The following NKAIN3 variants were observed in gnomAD, a reference collection of about 807,000 sequenced individuals.
NKAIN3 encodes the protein sodium/potassium transporting ATPase interacting 3.
Under a neutral mutation model 30.2 loss-of-function variants are expected in NKAIN3, and 25 were observed. The observed-to-expected ratio is 0.83, with a 90% CI of 0.60 to 1.16. The LOEUF is 1.16. Among genes scored for constraint, NKAIN3 ranks in the 50% most tolerant of loss-of-function variants. The probability of loss-of-function intolerance (pLI) is 0.00; values close to 1 mark genes in which losing one functional copy is unlikely to be tolerated. For missense variants in NKAIN3, 225 were observed against 254.1 expected, an observed-to-expected ratio of 0.89 and a Z score of 0.78; for synonymous variants, 91 against 89.6, an observed-to-expected ratio of 1.02 and a Z score of -0.09.
chr8:62,347,325 A>T (rs1816035174), intron 1 of NKAIN3, among the ~76,000 whole-genome samples: 1 of 152,156 alleles, frequency 6.6e-6, no homozygotes. Context: ...TCAACATAAA[A>T]GTTGCAGTAG....
intron 4 of NKAIN3, among the ~76,000 whole-genome samples, chr8:62,865,027 A>G (rs1283907070): frequency 6.6e-6 from 1 of 152,210 alleles, no homozygotes; most frequent in African/African-American, 2.4e-5. Flanking sequence ...AGCATTGATC[A>G]TTGAACTGCT....
At chr8:62,664,908 T>G in intron 3 of NKAIN3, among the ~76,000 whole-genome samples, 1 of 152,208 alleles carries the variant, frequency 6.6e-6, no homozygotes, top group East Asian at 1.9e-4. Context: ...TAAATATCCT[T>G]ATGACTTAGA....
intron 4 of NKAIN3, among the ~76,000 whole-genome samples, chr8:62,833,854 A>G (rs1819273352): frequency 6.6e-6 from 1 of 152,034 alleles, no homozygotes; most frequent in South Asian, 2.1e-4. Flanking sequence ...ATACCAAAAT[A>G]TGGCAAAGAC....
downstream of NKAIN3, among the ~76,000 whole-genome samples, chr8:62,987,167 G>A (rs574613295): frequency 1.2e-4 from 18 of 152,176 alleles, no homozygotes; most frequent in South Asian, 2.1e-4. Context: ...TGGCTGAATC[G>A]CTTGAGTTCA....
At chr8:62,811,464 T>C (rs1463346396) in intron 4 of NKAIN3, among the ~76,000 whole-genome samples, 1 of 152,130 alleles carries the variant, frequency 6.6e-6, no homozygotes, top group Non-Finnish European at 1.5e-5. Flanking sequence ...CCAGAGTAGT[T>C]GCACCATTGT....
At chr8:62,586,710 A>G (rs192812275) in intron 2 of NKAIN3, among the ~76,000 whole-genome samples, 1 of 152,224 alleles carries the variant, frequency 6.6e-6, no homozygotes, top group East Asian at 1.9e-4. Flanking sequence ...AGACTGGAAG[A>G]TGTCCAAAGT....
chr8:62,888,236 AG>A lies in NKAIN3; in HGVS notation c.472-30216del, dbSNP rs1188825790. 4.6e-5 allele frequency among the ~76,000 whole-genome samples: 7 copies of A among 152,320 alleles called. No individual in the cohort carries two copies. The South Asian group carries it at 1.2e-3, about 27-fold the overall frequency. On this transcript the variant is annotated intron_variant, in intron 4 of 6. Transcript: ENST00000623646. ...TAGTTTAGGTCATGTTTAAAATAAA[AG>A]TTTCTCTTGAGAGCAGGGCTTGTTA...
chr8:62,497,744 C>T (rs1807287835), intron 1 of NKAIN3, among the ~76,000 whole-genome samples: 1 of 152,124 alleles, frequency 6.6e-6, no homozygotes, highest in Non-Finnish European at 1.5e-5. Flanking sequence ...GAGTCCTGCA[C>T]TGTGCAGTTG....
intron 1 of NKAIN3, among the ~76,000 whole-genome samples, chr8:62,465,409 GA>G: frequency 6.6e-6 from 1 of 151,920 alleles, no homozygotes; most frequent in East Asian, 1.9e-4. Context: ...TTTCAAGAAG[GA>G]AAAAAACAAG....
chr8:62,296,657 C>G (rs1254353432), intron 1 of NKAIN3, among the ~76,000 whole-genome samples: 1 of 152,028 alleles, frequency 6.6e-6, no homozygotes, highest in African/African-American at 2.4e-5. Context: ...GTGAGAGACA[C>G]TATGTTAGAC....
intron 4 of NKAIN3, among the ~76,000 whole-genome samples, chr8:62,911,246 G>A (rs527300376): frequency 6.6e-6 from 1 of 152,132 alleles, no homozygotes; most frequent in African/African-American, 2.4e-5. Context: ...CTTTACACTG[G>A]AAAAGTCCCA....
At position 62,977,851 on chromosome 8, in the gene NKAIN3, A is replaced by G. The variant is rs1456275863; in HGVS notation, c.*12444A>G. 2 of 152,114 alleles carry G rather than the reference A, an allele frequency of 1.3e-5. No individual in the cohort carries two copies. Among genetic ancestry groups the G allele is most frequent in the Non-Finnish European group, 2.9e-5 (2 of 68,040 alleles). 9.4% of individuals were successfully genotyped at this position (152,114 alleles called of 1,614,324 possible). ...GGTTTTTCCTCATCTTTGTGGCTTTATCTACCTTTGGTCTTTGGCATTGGT... is the reference window on the plus strand; with the variant it reads ...GGTTTTTCCTCATCTTTGTGGCTTTGTCTACCTTTGGTCTTTGGCATTGGT... On this transcript the variant is annotated 3_prime_UTR_variant, in exon 7 of 7. Transcript: ENST00000623646.
At chr8:62,806,334 G>A (rs190457533) in intron 4 of NKAIN3, among the ~76,000 whole-genome samples, 344 of 152,242 alleles carry the variant, frequency 2.3e-3, no homozygotes, top group Non-Finnish European at 3.3e-3. Flanking sequence ...AATCCATGCT[G>A]CTATAAAGAC....
intron 4 of NKAIN3, among the ~76,000 whole-genome samples, chr8:62,763,611 T>C (rs1816743310): frequency 6.6e-6 from 1 of 152,156 alleles, no homozygotes; most frequent in South Asian, 2.1e-4. Context: ...ATATTCAGGA[T>C]ACACAAAGCT....
chr8:62,268,827 C>G (rs1401775761), intron 1 of NKAIN3, among the ~76,000 whole-genome samples: 1 of 152,122 alleles, frequency 6.6e-6, no homozygotes, highest in Non-Finnish European at 1.5e-5. Context: ...TTGTATGGTT[C>G]TGGTTGGGTA....
At chr8:62,406,440 G>A (rs769937291) in intron 1 of NKAIN3, among the ~76,000 whole-genome samples, 3 of 152,102 alleles carry the variant, frequency 2.0e-5, no homozygotes, top group Admixed American at 1.3e-4. Flanking sequence ...ATCACTGAAG[G>A]TATAAGTCTT....
chr8:62,492,969 A>G (rs1354911333), intron 1 of NKAIN3, among the ~76,000 whole-genome samples: 2 of 152,122 alleles, frequency 1.3e-5, no homozygotes, highest in African/African-American at 4.8e-5. Context: ...GTAGTTTGTA[A>G]AAATCTTCTC....
At chr8:62,345,633 ATATATG>A (rs1411149678) in intron 1 of NKAIN3, among the ~76,000 whole-genome samples, 1,533 of 144,850 alleles carry the variant, frequency 0.011, 1 homozygote, top group African/African-American at 0.039. Context: ...ATATATACAC[ATATATG>A]TATATATACA....
At chr8:62,438,241 T>G (rs536185911) in intron 1 of NKAIN3, among the ~76,000 whole-genome samples, 1 of 152,340 alleles carries the variant, frequency 6.6e-6, no homozygotes, top group East Asian at 1.9e-4. Flanking sequence ...TTTTACATTT[T>G]TCTTTGTAAA....
Sources: allele counts gnomAD v4.1 joint callset (sites outside exome capture counted in the v4.1 genomes callset), GRCh38; gene constraint gnomAD v4.1.1; transcripts MANE v1.5; gene names NCBI Gene and HGNC (gene_info 2026-07-23, HGNC 2026-07-21).